Variants in ZNF821 observed in about 807,000 individuals in gnomAD.
The protein encoded by ZNF821 is zinc finger protein 821.
In ZNF821, 16 loss-of-function variants were observed where a neutral mutation model predicts 44.3. The observed-to-expected ratio is 0.36, with a 90% CI of 0.24 to 0.55. The LOEUF is 0.55. ZNF821 is among the 20% of genes least tolerant of loss of function. The probability of loss-of-function intolerance (pLI) is 0.86; values close to 1 mark genes in which losing one functional copy is unlikely to be tolerated. For missense variants in ZNF821, 436 were observed against 547.6 expected (o/e 0.80, Z 2.03); for synonymous variants, 204 against 197.6 (o/e 1.03, Z -0.27).
intron 1 of ZNF821, chr16:71,894,698 CTTTTT>C (rs35889170): frequency 5.3e-4 from 237 of 443,226 alleles, no homozygotes; most frequent in Non-Finnish European, 7.7e-4. Flanking sequence ...TAATTTTTAA[CTTTTT>C]TTTTTTTTTT....
intron 4 of ZNF821, among the ~76,000 whole-genome samples, chr16:71,865,563 C>A (rs967339500): frequency 6.6e-6 from 1 of 152,152 alleles, no homozygotes; most frequent in Non-Finnish European, 1.5e-5. Context: ...TTCCCTCTTA[C>A]CAGCAATGGA....
chr16:71,888,272 T>G (rs538828060), upstream of ZNF821, among the ~76,000 whole-genome samples: 2 of 152,154 alleles, frequency 1.3e-5, no homozygotes, highest in East Asian at 3.8e-4. Context: ...AAGCACAAAG[T>G]TTTTGATTTA....
intron 5 of ZNF821, 58 bp downstream of exon 5, chr16:71,864,845 G>C (rs2034349394): frequency 1.2e-6 from 2 of 1,603,960 alleles, no homozygotes; most frequent in African/African-American, 1.3e-5. Flanking sequence ...AGCAGCATCA[G>C]GGCAGGCAGA....
intron 3 of ZNF821, among the ~76,000 whole-genome samples, chr16:71,877,810 C>T (rs1382653172): frequency 1.3e-5 from 2 of 151,182 alleles, no homozygotes; most frequent in African/African-American, 4.9e-5. Context: ...GTCCCAGCTA[C>T]TCGGGAGGCT....
rs766012605 is a variant in ZNF821 at position 71,860,233 on chromosome 16, G to A, written c.1024C>T (p.Arg342Trp). 6.2e-7 allele frequency: 1 copy of A among 1,614,170 alleles called. No homozygotes were observed. The highest frequency in any genetic ancestry group is 8.5e-7 in the Non-Finnish European group (1 of 1,180,036). The change falls in exon 8 of 8, where the codon CGG becomes TGG. Residue 342 changes from arginine (R) to tryptophan (W), a missense_variant. Coordinates refer to ENST00000425432, the MANE Select transcript of ZNF821 (RefSeq NM_001201552.2). This position sits in a 1 kb window ranked among gnomAD's most constrained non-coding sequence, Gnocchi z 7.3. ...TTGGCCTCTCGCTCTCGGATGAGCCGGGCCTGCCGCTTTTCCGGGGTTTCA... is the reference window on the plus strand; with the variant it reads ...TTGGCCTCTCGCTCTCGGATGAGCCAGGCCTGCCGCTTTTCCGGGGTTTCA... Reference protein sequence around the residue: ...ANETPEKRQARLIREREAKRL... With the variant: ...ANETPEKRQAWLIREREAKRL...
At chr16:71,875,575 T>C (rs1220414994) in intron 3 of ZNF821, among the ~76,000 whole-genome samples, 6 of 152,030 alleles carry the variant, frequency 3.9e-5, no homozygotes, top group African/African-American at 1.2e-4. Flanking sequence ...TGCCTCAGTC[T>C]CCCGAGTAGC....
At chr16:71,871,763 G>C (rs1212657078) in intron 3 of ZNF821, among the ~76,000 whole-genome samples, 2 of 151,694 alleles carry the variant, frequency 1.3e-5, no homozygotes, top group Non-Finnish European at 1.5e-5. Context: ...TAAAAACCAA[G>C]GTGTTCTCTC....
upstream of ZNF821, chr16:71,884,901 A>T (rs367590297): frequency 1.6e-5 from 2 of 127,142 alleles, no homozygotes; most frequent in East Asian, 4.8e-4. Context: ...TCTGTCACCC[A>T]GGCTGCAATG....
Position 71,859,698 on chromosome 16 carries a change from A to G in ZNF821, c.*320T>C, listed in dbSNP as rs898414186. ...AGAAAGGGGCAGTAAAGATAAAATT[A>G]ATTTATTTGACTTCACAACTTCATG... On this transcript the variant is annotated 3_prime_UTR_variant, in exon 8 of 8. Coordinates refer to ENST00000425432, the MANE Select transcript of ZNF821 (RefSeq NM_001201552.2). 1.6e-5 allele frequency: 5 copies of G among 306,706 alleles called. No individual in the cohort carries two copies. The highest frequency in any genetic ancestry group is 2.4e-5 in the Non-Finnish European group (4 of 167,184). The allele number at this position is 306,706 out of a possible 1,614,324, so 19.0% of individuals were successfully genotyped here. A position where few individuals can be genotyped will look rare whatever the true frequency, so the allele number is the denominator to read the frequency against.
intron 4 of ZNF821, 68 bp from the exon 5 acceptor site, chr16:71,865,116 T>C: frequency 1.3e-6 from 2 of 1,582,188 alleles, no homozygotes; most frequent in Non-Finnish European, 1.7e-6. Flanking sequence ...CTCTCCACCC[T>C]AGAGTTGGCA....
upstream of ZNF821, among the ~76,000 whole-genome samples, chr16:71,889,157 G>A (rs2036872905): frequency 6.6e-6 from 1 of 152,100 alleles, no homozygotes; most frequent in African/African-American, 2.4e-5. Flanking sequence ...GATGAGATGG[G>A]AACCCAGCAG....
At chr16:71,865,957 A>T (rs1156683509) in intron 4 of ZNF821, among the ~76,000 whole-genome samples, 4 of 152,210 alleles carry the variant, frequency 2.6e-5, no homozygotes, top group African/African-American at 9.7e-5. Flanking sequence ...TCTATTACTT[A>T]TAAAATAGAA....
chr16:71,869,687 G>C (rs1005746387), intron 3 of ZNF821, among the ~76,000 whole-genome samples: 3 of 151,998 alleles, frequency 2.0e-5, no homozygotes, highest in Non-Finnish European at 4.4e-5. Flanking sequence ...CTCCAGGCTA[G>C]AGTGCAGTGG....
chr16:71,890,921 G>A (rs902045975), intron 1 of ZNF821, among the ~76,000 whole-genome samples: 2 of 151,528 alleles, frequency 1.3e-5, no homozygotes, highest in East Asian at 1.9e-4. Flanking sequence ...ACAGGCGCCC[G>A]CACCACGCCC....
chr16:71,861,989 C>A, intron 6 of ZNF821, 47 bp from the exon 7 acceptor site: 1 of 1,594,466 alleles, frequency 6.3e-7, no homozygotes, highest in Admixed American at 1.7e-5. Context: ...ACCTCCAGGA[C>A]AATCTGCACC....
At chr16:71,883,033 A>G (rs968568766) in intron 2 of ZNF821, 178 bp downstream of exon 2, 3 of 442,208 alleles carry the variant, frequency 6.8e-6, no homozygotes, top group Non-Finnish European at 1.4e-5. Flanking sequence ...AAAGGAAAGC[A>G]GTTCTGTCTG....
At chr16:71,883,851 G>A (rs2036694186) in intron 1 of ZNF821, 57 bp downstream of exon 1, 1 of 152,702 alleles carries the variant, frequency 6.5e-6, no homozygotes, top group Non-Finnish European at 1.5e-5. Context: ...GCCGCGAGGG[G>A]GCGAGGAGCC....
chr16:71,872,514 G>A (rs1326621420), intron 3 of ZNF821, among the ~76,000 whole-genome samples: 1 of 152,162 alleles, frequency 6.6e-6, no homozygotes, highest in Non-Finnish European at 1.5e-5. Context: ...TCGGGAGGCT[G>A]AGGCAGGAGA....
intron 6 of ZNF821, among the ~76,000 whole-genome samples, chr16:71,863,755 T>C (rs1317786670): frequency 6.6e-6 from 1 of 151,996 alleles, no homozygotes; most frequent in Non-Finnish European, 1.5e-5. Context: ...TGGAGTGTAA[T>C]TGCGTGATCT....
Sources: allele counts gnomAD v4.1 joint callset (sites outside exome capture counted in the v4.1 genomes callset), GRCh38; gene constraint gnomAD v4.1.1; non-coding constraint Gnocchi (gnomAD v3.1); transcripts MANE v1.5; gene names NCBI Gene and HGNC (gene_info 2026-07-23, HGNC 2026-07-21).